Variants in RALGPS2 observed in about 807,000 individuals in gnomAD.
RALGPS2 encodes Ral GEF with PH domain and SH3 binding motif 2.
A neutral mutation model predicts 86.8 loss-of-function variants in RALGPS2; 43 were observed. The observed-to-expected ratio is 0.50, with a 90% CI of 0.39 to 0.64. The LOEUF is 0.64. Ranked by LOEUF, RALGPS2 falls within the 30% of genes least tolerant of loss-of-function variation. The pLI is 0.00. For synonymous variants in RALGPS2, 243 were observed against 231.3 expected (o/e 1.05, Z -0.46); for missense variants, 536 against 694.6 (o/e 0.77, Z 2.57).
chr1:178,761,748 A>G (rs1190685183), intron 1 of RALGPS2, among the ~76,000 whole-genome samples: 1 of 151,940 alleles, frequency 6.6e-6, no homozygotes, highest in African/African-American at 2.4e-5. Context: ...TTTAGTAGAG[A>G]CGGGGTCTCA....
intron 4 of RALGPS2, among the ~76,000 whole-genome samples, chr1:178,806,535 C>T (rs375195868): frequency 5.9e-5 from 9 of 152,072 alleles, no homozygotes; most frequent in African/African-American, 1.9e-4. Context: ...CTATCATTAA[C>T]TTTTTGTTTA....
intron 1 of RALGPS2, among the ~76,000 whole-genome samples, chr1:178,740,213 T>C (rs913498538): frequency 5.9e-5 from 9 of 152,198 alleles, no homozygotes; most frequent in Admixed American, 3.9e-4. Context: ...CCCAGAGTAG[T>C]AGTGATTTAT....
In RALGPS2 at chr1:178,919,042, T is replaced by C. The variant is rs955249166; in HGVS notation, c.*2683T>C. The C allele has an allele frequency of 1.3e-5, 2 of 152,090 alleles. No homozygotes were observed. The highest frequency in any genetic ancestry group is 2.4e-5 in the African/African-American group (1 of 41,462). The allele number at this position is 152,090 out of a possible 1,614,324, so 9.4% of individuals were successfully genotyped here. On this transcript the variant is annotated 3_prime_UTR_variant, in exon 20 of 20. Transcript: ENST00000367635. ...GCCTGTTTATGATAAGCATAATGAT[T>C]GGCATGTTATATAGCCTGTTGAAAA...
chr1:178,829,833 TTC>T (rs2102241923), intron 7 of RALGPS2, among the ~76,000 whole-genome samples: 1 of 152,230 alleles, frequency 6.6e-6, no homozygotes, highest in Non-Finnish European at 1.5e-5. Flanking sequence ...CAATCTCCAC[TTC>T]CCAGGCTCAA....
chr1:178,883,237 A>G (rs1242607250), intron 10 of RALGPS2, among the ~76,000 whole-genome samples: 1 of 152,222 alleles, frequency 6.6e-6, no homozygotes, highest in Non-Finnish European at 1.5e-5. Context: ...CTGTAATCCC[A>G]GCACTTTGGG....
intron 10 of RALGPS2, among the ~76,000 whole-genome samples, chr1:178,881,285 G>A (rs1281231759): frequency 6.6e-6 from 1 of 152,146 alleles, no homozygotes; most frequent in Non-Finnish European, 1.5e-5. Flanking sequence ...CGTCATCTGA[G>A]GCTGAATCTT....
intron 8 of RALGPS2, among the ~76,000 whole-genome samples, chr1:178,848,034 C>T (rs1656951553): frequency 6.6e-6 from 1 of 152,134 alleles, no homozygotes; most frequent in South Asian, 2.1e-4. Context: ...CTTGACTGGA[C>T]ACAGTGGCTC....
At chr1:178,888,188 A>G (rs939955600) in intron 13 of RALGPS2, among the ~76,000 whole-genome samples, 3 of 152,178 alleles carry the variant, frequency 2.0e-5, no homozygotes, top group Non-Finnish European at 2.9e-5. Context: ...AGTAAACAGT[A>G]AAAGATCATT....
chr1:178,864,706 A>G (rs1658262601), intron 8 of RALGPS2, among the ~76,000 whole-genome samples: 1 of 152,158 alleles, frequency 6.6e-6, no homozygotes, highest in African/African-American at 2.4e-5. Context: ...CCCCTCGATC[A>G]TAAGAATTTG....
At chr1:178,869,860 A>G (rs1476754863) in intron 8 of RALGPS2, among the ~76,000 whole-genome samples, 1 of 152,076 alleles carries the variant, frequency 6.6e-6, no homozygotes, top group East Asian at 1.9e-4. Flanking sequence ...AATAGTTTTT[A>G]TAATGCATGT....
intron 8 of RALGPS2, chr1:178,852,949 C>G: frequency 1.2e-6 from 2 of 1,606,770 alleles, no homozygotes; most frequent in Non-Finnish European, 8.5e-7. Flanking sequence ...GTTTCCAAAC[C>G]CTTTCTGTTA....
intron 8 of RALGPS2, among the ~76,000 whole-genome samples, chr1:178,861,037 A>G (rs1657972268): frequency 6.6e-6 from 1 of 152,234 alleles, no homozygotes; most frequent in Non-Finnish European, 1.5e-5. Context: ...TGAAAAGGAT[A>G]TTAGAATAAT....
chr1:178,834,461 A>G (rs1421899484), intron 8 of RALGPS2, among the ~76,000 whole-genome samples: 1 of 152,218 alleles, frequency 6.6e-6, no homozygotes, highest in Non-Finnish European at 1.5e-5. Flanking sequence ...CAGTTGATAC[A>G]TGCCCATTTA....
In RALGPS2 at chr1:178,870,494, A is replaced by G. The variant is rs191585032; in HGVS notation, c.608-7004A>G. Among the ~76,000 whole-genome samples, 341 of 152,348 alleles carry G rather than the reference A, an allele frequency of 2.2e-3. 2 individuals carry two copies. The highest frequency in any genetic ancestry group is 7.9e-3 in the African/African-American group (330 of 41,588). On this transcript the variant is annotated intron_variant, in intron 8 of 19. Transcript: ENST00000367635. ...TTTTCAGAAACCCAGCATGGCATGC[A>G]TGTATCAGTCTGTAATCATATACAC...
rs751052965 is a variant in RALGPS2, at chr1:178,852,865, A to G, written c.607+19315A>G. 78 of 1,613,878 alleles carry G rather than the reference A, an allele frequency of 4.8e-5. No individual in the cohort carries two copies. In the East Asian group the frequency reaches 7.4e-4, roughly 15 times the overall value. On this transcript the variant is annotated intron_variant, in intron 8 of 19. Coordinates refer to ENST00000367635, the MANE Select transcript of RALGPS2 (RefSeq NM_152663.5). ...TTTATCACTCCAGTCTTCTAATTCA[A>G]TCAATAACTTGTAATTATCTTGATT...
intron 4 of RALGPS2, among the ~76,000 whole-genome samples, chr1:178,801,103 T>G (rs1255168181): frequency 6.6e-6 from 1 of 151,978 alleles, no homozygotes; most frequent in East Asian, 1.9e-4. Context: ...ATTTTTGTAT[T>G]TTTAGTAGAG....
chr1:178,872,879 A>T (rs1456121733), intron 8 of RALGPS2, among the ~76,000 whole-genome samples: 1 of 152,152 alleles, frequency 6.6e-6, no homozygotes, highest in Non-Finnish European at 1.5e-5. Context: ...ATATGGAGAG[A>T]TTTGAAAGTC....
chr1:178,780,877 ATC>A (rs1653357897), intron 2 of RALGPS2, among the ~76,000 whole-genome samples: 1 of 152,064 alleles, frequency 6.6e-6, no homozygotes, highest in Non-Finnish European at 1.5e-5. Flanking sequence ...ACTTAGAAAA[ATC>A]TCTTTCTGTA....
chr1:178,892,735 G>GT lies in RALGPS2; in HGVS notation c.1325+429dup, dbSNP rs1659770812. Among the ~76,000 whole-genome samples the GT allele has an allele frequency of 2.0e-5, 3 of 152,162 alleles. No homozygotes were observed. The South Asian group carries it at 6.2e-4, about 32-fold the overall frequency. ...AACTACAGGTCCTGAATGTAGACGA[G>GT]TCTATTTCATAAAATAATCATTTGT... is the stretch of plus-strand genomic sequence containing the variant. On this transcript the variant is annotated intron_variant, in intron 15 of 19. Transcript: ENST00000367635.
Sources: allele counts gnomAD v4.1 joint callset (sites outside exome capture counted in the v4.1 genomes callset), GRCh38; gene constraint gnomAD v4.1.1; transcripts MANE v1.5; gene names NCBI Gene and HGNC (gene_info 2026-07-23, HGNC 2026-07-21).